The following ERO1B variants were observed in gnomAD, a reference collection of about 807,000 sequenced individuals.
ERO1B encodes ERO1-like protein beta.
A neutral mutation model predicts 75.3 loss-of-function variants in ERO1B; 49 were observed. That is an observed-to-expected ratio of 0.65 (90% CI 0.52 to 0.83). ERO1B has a LOEUF of 0.83. Ranked by LOEUF, ERO1B falls within the 40% of genes least tolerant of loss-of-function variation. ERO1B has a pLI of 0.00. For missense variants in ERO1B, 512 were observed against 560.1 expected (o/e 0.91, Z 0.87); for synonymous variants, 191 against 192.9 (o/e 0.99, Z 0.08).
rs1572023120 is a variant in ERO1B at position 236,216,103 on chromosome 1, T to C, written c.*2413A>G. On this transcript the variant is annotated 3_prime_UTR_variant, in exon 16 of 16. Coordinates refer to ENST00000354619, the MANE Select transcript of ERO1B (RefSeq NM_019891.4). ...TAATATATAGTTTGTCTAACTTACA[T>C]AGATGCCACTTAAGTAAAAAATAAA... 6.6e-6 allele frequency: 1 copy of C among 152,282 alleles called. No homozygotes were observed. The highest frequency in any genetic ancestry group is 2.1e-4 in the South Asian group (1 of 4,828). The allele number at this position is 152,282 out of a possible 1,614,324, so 9.4% of individuals were successfully genotyped here. A position where few individuals can be genotyped will look rare whatever the true frequency, so the allele number is the denominator to read the frequency against.
intron 2 of ERO1B, among the ~76,000 whole-genome samples, chr1:236,258,163 A>AAAAAAAC (rs1572059154): frequency 1.2e-5 from 1 of 86,340 alleles, no homozygotes; most frequent in Non-Finnish European, 2.6e-5. Context: ...AAAAAAAAAA[A>AAAAAAAC]CCCAGCCAGA....
At position 236,226,424 on chromosome 1, in the gene ERO1B, C is replaced by T. The variant is rs755940035; in HGVS notation, c.897G>A (p.Arg299=). ...PVETKGEGPR[R]LKNLYFLYLI... is the part of the protein sequence containing the mutation. ...AGTATAAAAAGTAAAGATTCTTGAG[C>T]CTTCTTGGACCTTCTCCCTTGGTTT... Residue 299 remains arginine (R), a synonymous_variant, in exon 12 of 16, where the codon AGG becomes AGA. Transcript: ENST00000354619. 6.8e-6 allele frequency: 11 copies of T among 1,614,094 alleles called. No individual in the cohort carries two copies. In the East Asian group the frequency reaches 1.6e-4, roughly 23 times the overall value.
At chr1:236,227,849 G>C (rs1204128599) in intron 10 of ERO1B, among the ~76,000 whole-genome samples, 1 of 152,092 alleles carries the variant, frequency 6.6e-6, no homozygotes, top group Non-Finnish European at 1.5e-5. Context: ...GGGAATTCTT[G>C]CTAGAATATT....
In ERO1B at chr1:236,272,168, T is replaced by C. The variant is rs1665604106; in HGVS notation, c.103-2174A>G. ...TGGAGATTTATCAAAGAACTAAAAG[T>C]AGAACCATCATTTGACCCTGCAATC... On this transcript the variant is annotated intron_variant, in intron 1 of 15. Transcript: ENST00000354619. Among the ~76,000 whole-genome samples the C allele has an allele frequency of 3.3e-5, 5 of 152,182 alleles. No individual in the cohort carries two copies. In the South Asian group the frequency reaches 1.0e-3, roughly 32 times the overall value.
intron 1 of ERO1B, among the ~76,000 whole-genome samples, chr1:236,277,590 A>G (rs1450280355): frequency 1.3e-5 from 2 of 152,196 alleles, no homozygotes; most frequent in Non-Finnish European, 2.9e-5. Context: ...ACAGTTCATC[A>G]ATGGTAACCA....
At chr1:236,278,386 C>G (rs1210080778) in intron 1 of ERO1B, among the ~76,000 whole-genome samples, 1 of 151,886 alleles carries the variant, frequency 6.6e-6, no homozygotes, top group Non-Finnish European at 1.5e-5. Context: ...AGGCTCCAAA[C>G]AGCTACATCC....
Position 236,252,180 on chromosome 1 carries a change from T to C in ERO1B, c.307-89A>G, listed in dbSNP as rs184092652. 1,000 of 806,402 alleles carry C rather than the reference T, an allele frequency of 1.2e-3. 2 individuals carry two copies. Among genetic ancestry groups the C allele is most frequent in the Non-Finnish European group, 1.9e-3 (870 of 469,572 alleles). The allele number at this position is 806,402 out of a possible 1,614,324, so 50.0% of individuals were successfully genotyped here. A position where few individuals can be genotyped will look rare whatever the true frequency, so the allele number is the denominator to read the frequency against. ...ACGAATTGTCAATGCATTGCTCTATTTCATCAAGCATTTTACTCTATGAGG... is the reference window on the plus strand; with the variant it reads ...ACGAATTGTCAATGCATTGCTCTATCTCATCAAGCATTTTACTCTATGAGG... On this transcript the variant is annotated intron_variant, in intron 3 of 15. Transcript: ENST00000354619.
rs35846063 is a variant in ERO1B at position 236,265,047 on chromosome 1, C to CT, written c.222+4827dup. Among the ~76,000 whole-genome samples, 394 of 147,434 alleles carry CT rather than the reference C, an allele frequency of 2.7e-3. 1 individual carries two copies. In the East Asian group the frequency reaches 0.03, roughly 11 times the overall value. On this transcript the variant is annotated intron_variant, in intron 2 of 15. Transcript: ENST00000354619. ...TTTATGGCTCTAGTTATTTTTTTCT[C>CT]TTTTTTTTTTTTTTAAATCAGAGCC...
At chr1:236,254,119 T>C (rs1665104699) in intron 2 of ERO1B, among the ~76,000 whole-genome samples, 1 of 151,822 alleles carries the variant, frequency 6.6e-6, no homozygotes, top group East Asian at 1.9e-4. Context: ...AGGGGGAGGG[T>C]GGCAGAGAAC....
At chr1:236,232,021 A>G (rs1664422730) in intron 9 of ERO1B, among the ~76,000 whole-genome samples, 1 of 152,158 alleles carries the variant, frequency 6.6e-6, no homozygotes, top group African/African-American at 2.4e-5. Context: ...TTCCTCCAAC[A>G]TGCACTATCC....
intron 2 of ERO1B, among the ~76,000 whole-genome samples, chr1:236,269,637 A>C (rs559198534): frequency 6.6e-6 from 1 of 152,328 alleles, no homozygotes; most frequent in Non-Finnish European, 1.5e-5. Context: ...TTCTATAGAG[A>C]CAGTAGTCTC....
At position 236,218,500 on chromosome 1, in the gene ERO1B, C is replaced by T; in HGVS notation, c.*16G>A. 7.0e-7 allele frequency: 1 copy of T among 1,429,974 alleles called. No individual in the cohort carries two copies. Among genetic ancestry groups the T allele is most frequent in the Non-Finnish European group, 9.2e-7 (1 of 1,086,560 alleles). 88.6% of individuals were successfully genotyped at this position (1,429,974 alleles called of 1,614,324 possible). ...CAGTCACTTTATGTCTCTAGTTAGACACATAAAAGCCTTTATTACCTACTG... is the reference window on the plus strand; with the variant it reads ...CAGTCACTTTATGTCTCTAGTTAGATACATAAAAGCCTTTATTACCTACTG... On this transcript the variant is annotated 3_prime_UTR_variant, in exon 16 of 16. Coordinates refer to ENST00000354619, the MANE Select transcript of ERO1B (RefSeq NM_019891.4).
Position 236,270,131 on chromosome 1 carries a change from AACTT to A in ERO1B, c.103-141_103-138del, listed in dbSNP as rs1265828565. On this transcript the variant is annotated intron_variant, in intron 1 of 15. Coordinates refer to ENST00000354619, the MANE Select transcript of ERO1B (RefSeq NM_019891.4). The stretch of plus-strand genomic sequence containing the variant: ...ATTAAGATATAACATTAAAGCAGTC[AACTT>A]ACTTTTTACTGTGGCCAATGAGATA... The A allele has an allele frequency of 5.9e-5, 35 of 597,146 alleles. No homozygotes were observed. In the East Asian group the frequency reaches 9.6e-4, roughly 16 times the overall value. 37.0% of individuals were successfully genotyped at this position (597,146 alleles called of 1,614,324 possible). A position where few individuals can be genotyped will look rare whatever the true frequency, so the allele number is the denominator to read the frequency against.
chr1:236,281,235 G>A (rs1392703893), intron 1 of ERO1B, among the ~76,000 whole-genome samples: 1 of 152,146 alleles, frequency 6.6e-6, no homozygotes, highest in Non-Finnish European at 1.5e-5. Flanking sequence ...CGCCTGGCGG[G>A]GCCTCGGGGG....
At position 236,236,207 on chromosome 1, in the gene ERO1B, G is replaced by A. The variant is rs753861676; in HGVS notation, c.626+71C>T. On this transcript the variant is annotated intron_variant, in intron 7 of 15. Transcript: ENST00000354619. ...CTCCCAAAGTGCTGGGATTACAGGC[G>A]TGAGCCACAGCACCCGGCCTCTCCC... 347 of 1,587,776 alleles carry A rather than the reference G, an allele frequency of 2.2e-4. 1 individual carries two copies. The highest frequency in any genetic ancestry group is 2.5e-4 in the Non-Finnish European group (290 of 1,163,032).
At chr1:236,253,873 C>G (rs1665098832) in intron 2 of ERO1B, among the ~76,000 whole-genome samples, 1 of 152,208 alleles carries the variant, frequency 6.6e-6, no homozygotes, top group South Asian at 2.1e-4. Flanking sequence ...TCCCCTATCC[C>G]TCTGGAACTT....
chr1:236,226,174 G>T, intron 12 of ERO1B, 95 bp downstream of exon 12: 1 of 1,238,896 alleles, frequency 8.1e-7, no homozygotes, highest in Non-Finnish European at 1.1e-6. Context: ...ATCTCCCCTC[G>T]GTTAACTTTT....
At chr1:236,245,857 G>T (rs1225227773) in intron 5 of ERO1B, among the ~76,000 whole-genome samples, 1 of 151,184 alleles carries the variant, frequency 6.6e-6, no homozygotes, top group Non-Finnish European at 1.5e-5. Context: ...CTCCCAAAGT[G>T]CTAGGATTAC....
chr1:236,268,704 G>A (rs540916668), intron 2 of ERO1B, among the ~76,000 whole-genome samples: 9 of 151,670 alleles, frequency 5.9e-5, no homozygotes, highest in Non-Finnish European at 1.2e-4. Flanking sequence ...GGCTAACATG[G>A]TGAAACCCCG....
Sources: allele counts gnomAD v4.1 joint callset (sites outside exome capture counted in the v4.1 genomes callset), GRCh38; gene constraint gnomAD v4.1.1; transcripts MANE v1.5; gene names NCBI Gene and HGNC (gene_info 2026-07-23, HGNC 2026-07-21).